NFATC1: variants seen among roughly 807,000 people sequenced by gnomAD.
The protein encoded by NFATC1 is nuclear factor of activated T cells 1.
A neutral mutation model predicts 76.0 loss-of-function variants in NFATC1; 22 were observed. The ratio of observed to expected loss-of-function variants is 0.29; its 90% CI spans 0.21 to 0.41. The LOEUF is 0.41. NFATC1 is among the 10% of genes least tolerant of loss of function. The pLI is 1.00. For synonymous variants in NFATC1, 704 were observed against 613.1 expected, an observed-to-expected ratio of 1.15 and a Z score of -2.19; for missense variants, 1,357 against 1,337.7, an observed-to-expected ratio of 1.01 and a Z score of -0.23.
intron 5 of NFATC1, 99 bp downstream of exon 5, chr18:79,451,225 G>A (rs144039401): frequency 1.4e-6 from 2 of 1,407,354 alleles, no homozygotes; most frequent in African/African-American, 1.4e-5. Context: ...GTAGACTTGG[G>A]ACTGAACGGT....
intron 2 of NFATC1, among the ~76,000 whole-genome samples, chr18:79,419,114 C>T (rs1178128800): frequency 2.0e-5 from 3 of 152,136 alleles, no homozygotes; most frequent in African/African-American, 7.2e-5. Context: ...GCCTCGACCT[C>T]CTGGGCTCAG....
Position 79,526,130 on chromosome 18 carries a change from G to A in NFATC1, c.2783-1398G>A, listed in dbSNP as rs562572551. The stretch of plus-strand genomic sequence containing the variant: ...CCCCGCAGCGCCGCCCGAGTGTCAC[G>A]GAAAGTGCCTCTGGTGAGGAGCTGC... On this transcript the variant is annotated intron_variant, in intron 9 of 9. Transcript: ENST00000427363. Among the ~76,000 whole-genome samples the A allele has an allele frequency of 1.1e-4, 17 of 152,318 alleles. No homozygotes were observed. In the South Asian group the frequency reaches 1.7e-3, roughly 15 times the overall value.
At chr18:79,434,971 C>G (rs1292936542) in intron 3 of NFATC1, among the ~76,000 whole-genome samples, 1 of 152,216 alleles carries the variant, frequency 6.6e-6, no homozygotes, top group Admixed American at 6.5e-5. Flanking sequence ...GCCCGTTTGA[C>G]ATTTAAAGTC....
rs55941236 is a variant in NFATC1 at position 79,529,050 on chromosome 18, G to A, written c.*1473G>A. On this transcript the variant is annotated 3_prime_UTR_variant, in exon 10 of 10. Coordinates refer to ENST00000427363, the MANE Select transcript of NFATC1 (RefSeq NM_001278669.2). Reference sequence around the variant, plus strand: ...TGATGGAGAAAGGGCTCCCGCAGAAGGAACGGCCTGTACCGTGCGCTCCGG... The same window carrying A: ...TGATGGAGAAAGGGCTCCCGCAGAAAGAACGGCCTGTACCGTGCGCTCCGG... 0.043 allele frequency: 6,560 copies of A among 152,564 alleles called. 227 individuals are homozygous for A. The highest frequency in any genetic ancestry group is 0.088 in the Admixed American group (1,340 of 15,300). The allele number at this position is 152,564 out of a possible 1,614,324, so 9.5% of individuals were successfully genotyped here. A position where few individuals can be genotyped will look rare whatever the true frequency, so the allele number is the denominator to read the frequency against.
At chr18:79,400,739 C>A (rs1241381423) in intron 1 of NFATC1, among the ~76,000 whole-genome samples, 2 of 147,726 alleles carry the variant, frequency 1.4e-5, no homozygotes, top group South Asian at 4.3e-4. Flanking sequence ...GGACAGAGGG[C>A]TGGTGGCGCT....
chr18:79,418,600 C>G (rs766547578), intron 2 of NFATC1, among the ~76,000 whole-genome samples: 2 of 152,234 alleles, frequency 1.3e-5, no homozygotes, highest in Non-Finnish European at 2.9e-5. Context: ...GCCACAGCTC[C>G]CTGGAGAAGG....
intron 9 of NFATC1, among the ~76,000 whole-genome samples, chr18:79,526,401 G>C (rs1367339843): frequency 6.6e-6 from 1 of 152,262 alleles, no homozygotes; most frequent in Non-Finnish European, 1.5e-5. Flanking sequence ...GCTCTGAGCA[G>C]GGCCTGCGGG....
At chr18:79,514,781 C>T (rs1355055369) in intron 9 of NFATC1, among the ~76,000 whole-genome samples, 1 of 152,050 alleles carries the variant, frequency 6.6e-6, no homozygotes, top group Non-Finnish European at 1.5e-5. Flanking sequence ...TACAGTGGCT[C>T]ACACCTATAA....
chr18:79,469,732 G>A, intron 8 of NFATC1: 1 of 985,738 alleles, frequency 1.0e-6, no homozygotes, highest in Non-Finnish European at 1.2e-6. Flanking sequence ...CCCTCTCTTT[G>A]CCTCCGTCGT....
intron 1 of NFATC1, among the ~76,000 whole-genome samples, chr18:79,406,864 G>C (rs28738777): frequency 6.6e-6 from 1 of 151,810 alleles, no homozygotes; most frequent in Non-Finnish European, 1.5e-5. Context: ...ACGGCTCCGC[G>C]GGTCTTCCGC....
At chr18:79,453,160 G>C (rs1201458400) in intron 6 of NFATC1, among the ~76,000 whole-genome samples, 4 of 152,252 alleles carry the variant, frequency 2.6e-5, no homozygotes, top group Non-Finnish European at 5.9e-5. Context: ...CTTTCGGTGT[G>C]TGTCCACGCG....
chr18:79,504,522 A>G (rs1227118344), intron 9 of NFATC1, among the ~76,000 whole-genome samples: 1 of 152,152 alleles, frequency 6.6e-6, no homozygotes, highest in East Asian at 1.9e-4. Context: ...CAGTAACCCC[A>G]AAGATCACAG....
intron 6 of NFATC1, among the ~76,000 whole-genome samples, chr18:79,456,731 G>A (rs1412555969): frequency 1.3e-5 from 2 of 152,212 alleles, no homozygotes; most frequent in Non-Finnish European, 2.9e-5. Flanking sequence ...CAGGTGGGTG[G>A]TGGGGTCTGT....
At position 79,467,293 on chromosome 18, in the gene NFATC1, T is replaced by TGGAAACGCGGGGTTGCCGTGTGGCC. The variant is rs1568997605; in HGVS notation, c.1960-156_1960-155insGAAACGCGGGGTTGCCGTGTGGCCG. 1.0e-4 allele frequency among the ~76,000 whole-genome samples: 15 copies of TGGAAACGCGGGGTTGCCGTGTGGCC among 144,794 alleles called. 1 individual carries two copies. Among genetic ancestry groups the TGGAAACGCGGGGTTGCCGTGTGGCC allele is most frequent in the East Asian group, 1.9e-4 (1 of 5,138 alleles). 95.0% of individuals were successfully genotyped at this position (144,794 alleles called of 152,430 possible). ...GTTTACCGTCACGGCAGTCCTGTGC[T>TGGAAACGCGGGGTTGCCGTGTGGCC]GCCGTGGAAACGCGGGGTTGCCGTG... is the stretch of plus-strand genomic sequence containing the variant. On this transcript the variant is annotated intron_variant, in intron 7 of 9. Coordinates refer to ENST00000427363, the MANE Select transcript of NFATC1 (RefSeq NM_001278669.2).
At chr18:79,405,111 C>T (rs1358659032) in intron 1 of NFATC1, among the ~76,000 whole-genome samples, 1 of 152,200 alleles carries the variant, frequency 6.6e-6, no homozygotes, top group Non-Finnish European at 1.5e-5. Context: ...CACCCCCAAA[C>T]CACCTGTGTG....
chr18:79,441,391 C>T (rs533049210), intron 3 of NFATC1, among the ~76,000 whole-genome samples: 7 of 152,272 alleles, frequency 4.6e-5, no homozygotes, highest in African/African-American at 1.2e-4. Flanking sequence ...CTCTCTCCCC[C>T]GTGATTTCGG....
intron 7 of NFATC1, among the ~76,000 whole-genome samples, chr18:79,462,858 G>GTCCCTGCGGGTCGGGGAGT (rs1568992043): frequency 2.6e-5 from 4 of 152,054 alleles, no homozygotes; most frequent in African/African-American, 9.7e-5. Flanking sequence ...CTCAGTGTGT[G>GTCCCTGCGGGTCGGGGAGT]CAGTTGGAAG....
intron 1 of NFATC1, among the ~76,000 whole-genome samples, chr18:79,405,657 C>T (rs576286464): frequency 6.6e-6 from 1 of 152,328 alleles, no homozygotes; most frequent in African/African-American, 2.4e-5. Flanking sequence ...CACTACCCGC[C>T]CTCCAAGGAC....
At chr18:79,426,790 G>T (rs2086352023) in intron 2 of NFATC1, among the ~76,000 whole-genome samples, 1 of 152,248 alleles carries the variant, frequency 6.6e-6, no homozygotes, top group African/African-American at 2.4e-5. Context: ...CGGGAAGCTG[G>T]GGGGAGGCAA....
Sources: gnomAD v4.1 joint callset for allele counts (sites outside exome capture counted in the v4.1 genomes callset) on GRCh38, gnomAD v4.1.1 for gene constraint, MANE v1.5 for transcripts, NCBI Gene and HGNC (gene_info 2026-07-23, HGNC 2026-07-21) for gene names.